The following MRPL47 variants were observed in gnomAD, a reference collection of about 807,000 sequenced individuals.
MRPL47 encodes large ribosomal subunit protein uL29m.
MRPL47 carries 31 observed loss-of-function variants against 34.0 expected under a neutral mutation model. The observed-to-expected ratio is 0.91, with a 90% CI of 0.68 to 1.23. The LOEUF is 1.23. MRPL47 is among the 50% of genes most tolerant of loss of function. MRPL47 has a pLI of 0.00. For synonymous variants in MRPL47, 106 were observed against 101.6 expected (o/e 1.04, Z -0.26); for missense variants, 328 against 285.8 (o/e 1.15, Z -1.07).
intron 4 of MRPL47, 76 bp from the exon 5 acceptor site, chr3:179,593,971 C>G: frequency 7.5e-7 from 1 of 1,329,574 alleles, no homozygotes; most frequent in South Asian, 1.3e-5. Flanking sequence ...TGTATAAACA[C>G]TTCTGCTACA....
Position 179,598,135 on chromosome 3 carries a change from AG to A in MRPL47, c.402+539del, listed in dbSNP as rs1718830493. On this transcript the variant is annotated intron_variant, in intron 4 of 6. Coordinates refer to ENST00000476781, the MANE Select transcript of MRPL47 (RefSeq NM_020409.3). ...TGTCCACATGTATGTTAGAAGTTGC[AG>A]GTAGGTTTGGGAAGCCAAGGTGAGT... is the stretch of plus-strand genomic sequence containing the variant. Among the ~76,000 whole-genome samples the A allele has an allele frequency of 2.0e-5, 3 of 152,248 alleles. No individual in the cohort carries two copies. In the South Asian group the frequency reaches 6.2e-4, roughly 32 times the overall value.
At chr3:179,590,420 CT>C (rs1310639066) in intron 6 of MRPL47, among the ~76,000 whole-genome samples, 3 of 151,994 alleles carry the variant, frequency 2.0e-5, no homozygotes, top group African/African-American at 7.2e-5. Flanking sequence ...CAACCCTGGG[CT>C]TGGAGCAATC....
At chr3:179,593,669 A>C (rs1718724284) in intron 5 of MRPL47, 96 bp downstream of exon 5, 1 of 1,176,196 alleles carries the variant, frequency 8.5e-7, no homozygotes, top group East Asian at 2.5e-5. Flanking sequence ...ATATTATCTC[A>C]TATGGTACAA....
chr3:179,593,629 G>A, intron 5 of MRPL47, 136 bp downstream of exon 5: 1 of 711,226 alleles, frequency 1.4e-6, no homozygotes, highest in Non-Finnish European at 2.1e-6. Context: ...AAGGGGTGTG[G>A]GGCCTCTTCT....
chr3:179,604,541 G>A lies in MRPL47; in HGVS notation c.84C>T (p.Val28=), dbSNP rs143015870. Residue 28 remains valine (V), a synonymous_variant, in exon 1 of 7, where the codon GTC becomes GTT. Coordinates refer to ENST00000476781, the MANE Select transcript of MRPL47 (RefSeq NM_020409.3). ...ACATCACTTACCCTGTGCAGGCAGG[G>A]ACCTGAGGAGTTATTAACGATCGGG... ...KSSRSLITPQ[V]PACTGFFLSL... 4.6e-4 allele frequency: 738 copies of A among 1,614,152 alleles called. 10 individuals are homozygous for A. In the Middle Eastern group the frequency reaches 8.9e-3, roughly 19 times the overall value.
At position 179,593,854 on chromosome 3, in the gene MRPL47, T is replaced by A. The variant is rs373171045; in HGVS notation, c.444A>T (p.Glu148Asp). Residue 148 changes from glutamate (E) to aspartate (D), a missense_variant, in exon 5 of 7, where the codon GAA becomes GAT. Coordinates refer to ENST00000476781, the MANE Select transcript of MRPL47 (RefSeq NM_020409.3). ...SMDALDKVVQ[E>D]REDALRLLQT... ...GAAGAAGCCTTAGGGCATCTTCTCTTTCCTGGACAACTTTATCTAATGCAT... is the reference window on the plus strand; with the variant it reads ...GAAGAAGCCTTAGGGCATCTTCTCTATCCTGGACAACTTTATCTAATGCAT... The A allele has an allele frequency of 2.5e-5, 41 of 1,613,492 alleles. No individual in the cohort carries two copies. Among genetic ancestry groups the A allele is most frequent in the Non-Finnish European group, 2.3e-5 (27 of 1,179,646 alleles).
intron 4 of MRPL47, among the ~76,000 whole-genome samples, chr3:179,594,435 C>G (rs762014056): frequency 3.3e-5 from 5 of 152,068 alleles, no homozygotes; most frequent in Non-Finnish European, 7.4e-5. Flanking sequence ...TTATTTTTAC[C>G]TCTTTAAGAT....
At chr3:179,604,408 G>A (rs1252659792) in intron 1 of MRPL47, 119 bp downstream of exon 1, 2 of 920,480 alleles carry the variant, frequency 2.2e-6, no homozygotes, top group Non-Finnish European at 3.4e-6. Flanking sequence ...AGTGGGCTCC[G>A]GCTCTGCCAT....
At chr3:179,604,640 G>A (rs777164938), upstream of MRPL47, 21 of 1,613,746 alleles carry the variant, frequency 1.3e-5, no homozygotes, top group South Asian at 3.3e-5. Context: ...CGCATAACTG[G>A]CAAAACGCGT....
intron 3 of MRPL47, among the ~76,000 whole-genome samples, chr3:179,600,534 T>G (rs1190212261): frequency 6.6e-6 from 1 of 152,038 alleles, no homozygotes. Context: ...CCCAGCTACT[T>G]GAGAGGCTGA....
At chr3:179,592,143 A>G (rs936611890) in intron 6 of MRPL47, among the ~76,000 whole-genome samples, 1 of 151,516 alleles carries the variant, frequency 6.6e-6, no homozygotes, top group Non-Finnish European at 1.5e-5. Flanking sequence ...GACTGTGGCT[A>G]TTTCTGAAGG....
rs1718596920 is a variant in MRPL47 at position 179,588,971 on chromosome 3, G to A, written c.654C>T (p.Arg218=). 1.2e-6 allele frequency: 2 copies of A among 1,612,232 alleles called. No individual in the cohort carries two copies. Among genetic ancestry groups the A allele is most frequent in the Non-Finnish European group, 8.5e-7 (1 of 1,179,084 alleles). ...FLRLEREKRA[R]IKARKENLER... is the part of the protein sequence containing the mutation. The stretch of plus-strand genomic sequence containing the variant: ...CTAAATTTTCCTTCCGTGCTTTGAT[G>A]CGGGCTCGTTTCTCACGTTCCAGTC... The change falls in exon 7 of 7, where the codon CGC becomes CGT. Residue 218 remains arginine (R), a synonymous_variant. Coordinates refer to ENST00000476781, the MANE Select transcript of MRPL47 (RefSeq NM_020409.3).
Position 179,604,570 on chromosome 3 carries a change from A to G in MRPL47, c.55T>C (p.Ser19Pro), listed in dbSNP as rs146156936. Residue 19 changes from serine (S) to proline (P), a missense_variant, in exon 1 of 7, where the codon TCT (serine) becomes CCT (proline). By Grantham distance (74) the Ser-to-Pro change is moderately conservative. Coordinates refer to ENST00000476781, the MANE Select transcript of MRPL47 (RefSeq NM_020409.3). ...TGAGGAGTTATTAACGATCGGGAAG[A>G]TTTCAGGGCGGATGAAACTCTCCTA... ...LCRRVSSALKSSRSLITPQVP... is the reference protein window; with the variant it reads ...LCRRVSSALKPSRSLITPQVP... 22 of 1,614,144 alleles carry G rather than the reference A, an allele frequency of 1.4e-5. No homozygotes were observed. In the African/African-American group the frequency reaches 2.9e-4, roughly 22 times the overall value.
chr3:179,592,548 A>G (rs1718699967), intron 6 of MRPL47, 96 bp downstream of exon 6: 1 of 729,470 alleles, frequency 1.4e-6, no homozygotes, highest in East Asian at 2.7e-5. Context: ...AAATTTAAAG[A>G]CAGCTTAAGC....
At position 179,588,617 on chromosome 3, in the gene MRPL47, G is replaced by A. The variant is rs759307827; in HGVS notation, c.*255C>T. The A allele has an allele frequency of 7.2e-5, 21 of 293,152 alleles. No individual in the cohort carries two copies. Among genetic ancestry groups the A allele is most frequent in the Admixed American group, 1.4e-4 (3 of 21,622 alleles). The allele number at this position is 293,152 out of a possible 1,614,324, so 18.2% of individuals were successfully genotyped here. On this transcript the variant is annotated 3_prime_UTR_variant, in exon 7 of 7. Transcript: ENST00000476781. ...ATCACCTTCACACTCTAAGGTAGCAGGTGACATTTAAAGCCTGCTTAAATG... is the reference window on the plus strand; with the variant it reads ...ATCACCTTCACACTCTAAGGTAGCAAGTGACATTTAAAGCCTGCTTAAATG...
chr3:179,598,875 G>A, intron 3 of MRPL47, 104 bp from the exon 4 acceptor site: 1 of 783,550 alleles, frequency 1.3e-6, no homozygotes, highest in Non-Finnish European at 2.1e-6. Flanking sequence ...AAGTCACTTA[G>A]AGGCGAGGTG....
At chr3:179,599,709 G>A (rs568116406) in intron 3 of MRPL47, among the ~76,000 whole-genome samples, 9 of 152,326 alleles carry the variant, frequency 5.9e-5, no homozygotes, top group Admixed American at 6.5e-5. Flanking sequence ...TAGCTAAGAT[G>A]ACCAGGGAAA....
At chr3:179,589,513 A>G (rs1718617337) in intron 6 of MRPL47, among the ~76,000 whole-genome samples, 5 of 152,206 alleles carry the variant, frequency 3.3e-5, no homozygotes, top group Admixed American at 3.3e-4. Context: ...AAATTACTTG[A>G]CCTGTAGGGT....
At position 179,592,754 on chromosome 3, in the gene MRPL47, A is replaced by G. The variant is rs1231535057; in HGVS notation, c.534-15T>C. On this transcript the variant is annotated splice_polypyrimidine_tract_variant and intron_variant, in intron 5 of 6. Transcript: ENST00000476781. Reference sequence around the variant, plus strand: ...TGAACTTGTGCCTGCCAATAAAGCAAAAAGTTATTTGCCTTAAAGAAAACA... The same window carrying G: ...TGAACTTGTGCCTGCCAATAAAGCAGAAAGTTATTTGCCTTAAAGAAAACA... The G allele has an allele frequency of 1.3e-6, 2 of 1,558,660 alleles. No homozygotes were observed. Among genetic ancestry groups the G allele is most frequent in the South Asian group, 1.1e-5 (1 of 89,428 alleles).
Sources: gnomAD v4.1 joint callset for allele counts (sites outside exome capture counted in the v4.1 genomes callset) on GRCh38, gnomAD v4.1.1 for gene constraint, MANE v1.5 for transcripts, NCBI Gene and HGNC (gene_info 2026-07-23, HGNC 2026-07-21) for gene names.